The following C1orf105 variants were observed in gnomAD, a reference collection of about 807,000 sequenced individuals.
C1orf105 encodes the protein uncharacterized protein C1orf105.
Under a neutral mutation model 20.8 loss-of-function variants are expected in C1orf105, and 17 were observed. The ratio of observed to expected loss-of-function variants is 0.82; its 90% CI spans 0.56 to 1.23. The LOEUF (loss-of-function observed/expected upper bound fraction) is 1.23, where lower values mean the gene tolerates loss of function less well. C1orf105 is among the 50% of genes most tolerant of loss of function. C1orf105 has a pLI of 0.00. For missense variants in C1orf105, 219 were observed against 213.5 expected (o/e 1.03, Z -0.16); for synonymous variants, 72 against 72.1 (o/e 1.00, Z 0.01).
chr1:172,445,073 G>C lies in C1orf105; in HGVS notation c.22G>C (p.Ala8Pro). Residue 8 changes from alanine (A) to proline (P), a missense_variant and splice_region_variant, in exon 2 of 7, where the codon GCT (alanine) becomes CCT (proline). By Grantham distance (27) the Ala-to-Pro change is conservative (BLOSUM62 -1). Coordinates refer to ENST00000367727, the MANE Select transcript of C1orf105 (RefSeq NM_139240.4). MEKRELK[A>P]SVPKFDKIPW... Reference sequence around the variant, plus strand: ...TAAAATGTTCTCTATTTCCCTCTAGGCTTCTGTTCCAAAATTTGACAAGAT... The same window carrying C: ...TAAAATGTTCTCTATTTCCCTCTAGCCTTCTGTTCCAAAATTTGACAAGAT... 1 of 1,611,220 alleles carries C rather than the reference G, an allele frequency of 6.2e-7. No homozygotes were observed. The highest frequency in any genetic ancestry group is 8.5e-7 in the Non-Finnish European group (1 of 1,178,114).
rs1384506996 is a variant in C1orf105 at position 172,468,559 on chromosome 1, A to G, written c.517A>G (p.Arg173Gly). ...LKERQRSSLP[R>G]KEPIGKTTRQ Reference sequence around the variant, plus strand: ...AGAGAGACAACGTTCTTCCTTGCCCAGAAAGGAACCAATAGGCAAGACAAC... The same window carrying G: ...AGAGAGACAACGTTCTTCCTTGCCCGGAAAGGAACCAATAGGCAAGACAAC... The change falls in exon 7 of 7, where the codon AGA becomes GGA. Residue 173 changes from arginine (R) to glycine (G), a missense_variant. Physicochemically the swap from Arg to Gly is moderately radical, Grantham distance 125. Coordinates refer to ENST00000367727, the MANE Select transcript of C1orf105 (RefSeq NM_139240.4). 3 of 1,613,794 alleles carry G rather than the reference A, an allele frequency of 1.9e-6. No individual in the cohort carries two copies. Among genetic ancestry groups the G allele is most frequent in the East Asian group, 2.2e-5 (1 of 44,886 alleles).
chr1:172,455,739 T>TG (rs1649163139), intron 3 of C1orf105, among the ~76,000 whole-genome samples: 1 of 152,138 alleles, frequency 6.6e-6, no homozygotes, highest in Non-Finnish European at 1.5e-5. Context: ...GATTGCTTCT[T>TG]CACCTACTGA....
intron 5 of C1orf105, 67 bp from the exon 6 acceptor site, chr1:172,465,230 TAA>T (rs1174018579): frequency 5.1e-6 from 4 of 783,774 alleles, no homozygotes; most frequent in Non-Finnish European, 7.9e-6. Flanking sequence ...TAAAAATGTA[TAA>T]AGGCACATTT....
intron 3 of C1orf105, among the ~76,000 whole-genome samples, chr1:172,450,310 A>G (rs1447972074): frequency 1.3e-5 from 2 of 152,108 alleles, no homozygotes; most frequent in Non-Finnish European, 2.9e-5. Flanking sequence ...ATTGAAACAC[A>G]AGTAGGGAAC....
intron 1 of C1orf105, among the ~76,000 whole-genome samples, chr1:172,426,814 A>G (rs995577546): frequency 3.9e-5 from 6 of 152,116 alleles, no homozygotes; most frequent in African/African-American, 1.4e-4. Context: ...TACCCAACTT[A>G]AATTGAATGG....
chr1:172,465,468 C>A (rs1649980969), intron 6 of C1orf105, 105 bp downstream of exon 6: 7 of 884,270 alleles, frequency 7.9e-6, no homozygotes, highest in Admixed American at 1.8e-5. Context: ...CTGAGCAAAT[C>A]CTCACTTTCT....
At chr1:172,458,300 T>C (rs1649453990) in intron 4 of C1orf105, among the ~76,000 whole-genome samples, 1 of 152,230 alleles carries the variant, frequency 6.6e-6, no homozygotes. Context: ...GCAGATGATA[T>C]GCTCTTATAT....
At chr1:172,435,371 G>C (rs1290071314) in intron 1 of C1orf105, among the ~76,000 whole-genome samples, 2 of 152,148 alleles carry the variant, frequency 1.3e-5, no homozygotes, top group African/African-American at 4.8e-5. Flanking sequence ...ATGGAATCCA[G>C]CAGCCCATCA....
intron 3 of C1orf105, among the ~76,000 whole-genome samples, chr1:172,451,508 A>G (rs975647887): frequency 6.6e-6 from 1 of 152,204 alleles, no homozygotes; most frequent in Non-Finnish European, 1.5e-5. Context: ...GCTCATAACT[A>G]CCAAGGAAAC....
chr1:172,460,128 G>A (rs1167518639), intron 4 of C1orf105, among the ~76,000 whole-genome samples: 2 of 152,078 alleles, frequency 1.3e-5, no homozygotes, highest in African/African-American at 4.8e-5. Flanking sequence ...AATGGTGGTT[G>A]TTTTACAACT....
At chr1:172,431,104 C>A (rs1035070936) in intron 1 of C1orf105, 4 of 649,348 alleles carry the variant, frequency 6.2e-6, no homozygotes, top group African/African-American at 3.6e-5. Context: ...CAATTAATAA[C>A]CCTGCAATGG....
chr1:172,440,932 A>G (rs1383950501), intron 1 of C1orf105, among the ~76,000 whole-genome samples: 1 of 152,238 alleles, frequency 6.6e-6, no homozygotes, highest in Non-Finnish European at 1.5e-5. Flanking sequence ...AGTTGTTCAC[A>G]GTTGCCATCA....
At chr1:172,447,829 A>G (rs116295773) in intron 2 of C1orf105, among the ~76,000 whole-genome samples, 2,338 of 152,360 alleles carry the variant, frequency 0.015, 22 homozygotes, top group Middle Eastern at 0.027. Flanking sequence ...TATGATTATC[A>G]GGCCCCTGCA....
chr1:172,467,540 A>T (rs534093180), intron 6 of C1orf105, among the ~76,000 whole-genome samples: 2 of 152,154 alleles, frequency 1.3e-5, no homozygotes, highest in Non-Finnish European at 2.9e-5. Flanking sequence ...ACCACCTGGC[A>T]TGGTGGTATG....
chr1:172,439,777 A>G (rs1009925387), intron 1 of C1orf105, among the ~76,000 whole-genome samples: 18 of 152,202 alleles, frequency 1.2e-4, no homozygotes, highest in African/African-American at 4.1e-4. Flanking sequence ...ATATAAACAA[A>G]AACTACAATT....
intron 1 of C1orf105, among the ~76,000 whole-genome samples, chr1:172,423,875 G>C (rs915647885): frequency 6.6e-6 from 1 of 152,062 alleles, no homozygotes; most frequent in Non-Finnish European, 1.5e-5. Flanking sequence ...TCAAGCAGAA[G>C]AAAGAATTAG....
At chr1:172,458,062 T>G (rs1223533909) in intron 4 of C1orf105, among the ~76,000 whole-genome samples, 3 of 152,144 alleles carry the variant, frequency 2.0e-5, no homozygotes, top group Non-Finnish European at 2.9e-5. Context: ...CTCCTAGGAA[T>G]AGAAGGGAAC....
chr1:172,439,131 A>G (rs10752957), intron 1 of C1orf105, among the ~76,000 whole-genome samples: 67,083 of 152,022 alleles, frequency 0.44, 17,598 homozygotes, highest in East Asian at 0.63. Context: ...GTATCTCCAA[A>G]GTATGCCTGT....
intron 4 of C1orf105, among the ~76,000 whole-genome samples, chr1:172,457,353 A>C (rs1292519522): frequency 3.3e-5 from 5 of 152,194 alleles, no homozygotes; most frequent in Non-Finnish European, 7.3e-5. Context: ...GTGTAGGCTA[A>C]ACGTGCTTTA....
Sources: gnomAD v4.1 joint callset for allele counts (sites outside exome capture counted in the v4.1 genomes callset) on GRCh38, gnomAD v4.1.1 for gene constraint, MANE v1.5 for transcripts, NCBI Gene and HGNC (gene_info 2026-07-23, HGNC 2026-07-21) for gene names.